The following KLF12 variants were observed in gnomAD, a reference collection of about 807,000 sequenced individuals.
KLF12 encodes the protein Krueppel-like factor 12.
Under a neutral mutation model 37.8 loss-of-function variants are expected in KLF12, and 9 were observed. The ratio of observed to expected loss-of-function variants is 0.24; its 90% confidence interval spans 0.14 to 0.42. The LOEUF (loss-of-function observed/expected upper bound fraction) is 0.42, where lower values mean the gene tolerates loss of function less well. Among genes scored for constraint, KLF12 ranks in the 10% least tolerant of loss-of-function variants. The probability of loss-of-function intolerance (pLI) is 1.00; values close to 1 mark genes in which losing one functional copy is unlikely to be tolerated. For missense variants in KLF12, 411 were observed against 516.0 expected (o/e 0.80, Z 1.97); for synonymous variants, 208 against 202.1 (o/e 1.03, Z -0.25).
chr13:73,983,455 G>A (rs1891741195), intron 2 of KLF12, among the ~76,000 whole-genome samples: 1 of 152,082 alleles, frequency 6.6e-6, no homozygotes, highest in African/African-American at 2.4e-5. Flanking sequence ...TGCTTATCGG[G>A]TGTTCTCCAG....
At chr13:73,965,769 T>C (rs1277918978) in intron 2 of KLF12, among the ~76,000 whole-genome samples, 3 of 152,192 alleles carry the variant, frequency 2.0e-5, no homozygotes, top group Non-Finnish European at 4.4e-5. Flanking sequence ...AGGCATAAGA[T>C]GACTGGAACC....
the KLF12 span, among the ~76,000 whole-genome samples, chr13:74,261,501 A>T: frequency 6.6e-6 from 1 of 152,184 alleles, no homozygotes; most frequent in Non-Finnish European, 1.5e-5. Context: ...AAAGCCTGCT[A>T]GCTTTTCTTG....
the KLF12 span, chr13:74,259,305 A>G: frequency 1.3e-5 from 2 of 152,178 alleles, no homozygotes; most frequent in African/African-American, 4.8e-5. Flanking sequence ...ATTCTCATTT[A>G]TTTTGTATTT....
intron 5 of KLF12, among the ~76,000 whole-genome samples, chr13:73,774,307 T>C (rs1171064404): frequency 6.7e-6 from 1 of 149,204 alleles, no homozygotes; most frequent in East Asian, 1.9e-4. Flanking sequence ...CACACATCTA[T>C]ATATATATAT....
chr13:73,937,232 C>G (rs921371552), intron 3 of KLF12, among the ~76,000 whole-genome samples: 3 of 151,980 alleles, frequency 2.0e-5, no homozygotes, highest in African/African-American at 7.2e-5. Flanking sequence ...TTGTGATGCA[C>G]TTTATAAACT....
chr13:73,694,804 A>G lies in KLF12; in HGVS notation c.*686T>C, dbSNP rs965131257. ...TGCCCCTCTGCTCGAACAGATGAAC[A>G]AAACAGAATCGAAACAAAACAAAAA... On this transcript the variant is annotated 3_prime_UTR_variant, in exon 8 of 8. Coordinates refer to ENST00000377669, the MANE Select transcript of KLF12 (RefSeq NM_007249.5). The G allele has an allele frequency of 2.0e-5, 3 of 152,778 alleles. No homozygotes were observed. The highest frequency in any genetic ancestry group is 7.2e-5 in the African/African-American group (3 of 41,478). The allele number at this position is 152,778 out of a possible 1,614,324, so 9.5% of individuals were successfully genotyped here. A position where few individuals can be genotyped will look rare whatever the true frequency, so the allele number is the denominator to read the frequency against.
rs922871755 is a variant in KLF12 at position 73,970,814 on chromosome 13, T to G, written c.33+24176A>C. On this transcript the variant is annotated intron_variant, in intron 2 of 7. Transcript: ENST00000377669. Reference sequence around the variant, plus strand: ...TCAATGTACCCAAATAAATCGTTTGTGTGTTCTAACAAATGTTTTCTTTGG... The same window carrying G: ...TCAATGTACCCAAATAAATCGTTTGGGTGTTCTAACAAATGTTTTCTTTGG... Among the ~76,000 whole-genome samples, 3 of 152,236 alleles carry G rather than the reference T, an allele frequency of 2.0e-5. No homozygotes were observed. In the East Asian group the frequency reaches 5.8e-4, roughly 29 times the overall value.
At chr13:73,831,898 G>A (rs1161575455) in intron 4 of KLF12, among the ~76,000 whole-genome samples, 2 of 152,188 alleles carry the variant, frequency 1.3e-5, no homozygotes, top group Non-Finnish European at 2.9e-5. Flanking sequence ...CTACTGAGAA[G>A]ACATTTTGGG....
chr13:74,029,055 C>T (rs923273351), intron 1 of KLF12, among the ~76,000 whole-genome samples: 1 of 151,878 alleles, frequency 6.6e-6, no homozygotes, highest in African/African-American at 2.4e-5. Context: ...TTTTGGTAAC[C>T]GTTTATTTTA....
the KLF12 span, among the ~76,000 whole-genome samples, chr13:74,213,187 CG>C: frequency 2.6e-5 from 4 of 151,988 alleles, no homozygotes; most frequent in Non-Finnish European, 5.9e-5. Flanking sequence ...TAAATGGGAA[CG>C]TACTAAAACA....
At chr13:73,720,007 AAGAG>A (rs775237896) in intron 6 of KLF12, among the ~76,000 whole-genome samples, 26 of 152,298 alleles carry the variant, frequency 1.7e-4, no homozygotes, top group Non-Finnish European at 2.8e-4. Flanking sequence ...CTCTAAGTTC[AAGAG>A]CAGTGTGTTC....
At chr13:73,755,773 C>T (rs1293335858) in intron 6 of KLF12, among the ~76,000 whole-genome samples, 2 of 151,900 alleles carry the variant, frequency 1.3e-5, no homozygotes, top group Admixed American at 1.3e-4. Flanking sequence ...TCCCCCAAGT[C>T]CCCAAAGTCC....
At chr13:74,241,689 T>G in the KLF12 span, among the ~76,000 whole-genome samples, 37 of 148,224 alleles carry the variant, frequency 2.5e-4, no homozygotes, top group African/African-American at 5.3e-4. Flanking sequence ...AAGCGCAGTA[T>G]TCGGGTGGGA....
chr13:73,784,148 T>C (rs1297772077), intron 5 of KLF12, among the ~76,000 whole-genome samples: 2 of 152,180 alleles, frequency 1.3e-5, no homozygotes, highest in South Asian at 4.1e-4. Flanking sequence ...AGTCACAATC[T>C]CTGTTGCTTC....
chr13:74,268,430 G>A, the KLF12 span, among the ~76,000 whole-genome samples: 287 of 152,218 alleles, frequency 1.9e-3, 2 homozygotes, highest in African/African-American at 5.7e-3. Context: ...AGATTATGTC[G>A]TCCAACATTT....
intron 2 of KLF12, among the ~76,000 whole-genome samples, chr13:73,994,469 C>G (rs1370855687): frequency 1.2e-5 from 1 of 81,506 alleles, no homozygotes; most frequent in Non-Finnish European, 3.4e-5. Flanking sequence ...CACAGCGCCC[C>G]CCCCACCACC....
At chr13:73,916,979 G>A (rs1024829186) in intron 3 of KLF12, among the ~76,000 whole-genome samples, 7 of 152,134 alleles carry the variant, frequency 4.6e-5, no homozygotes, top group Admixed American at 2.0e-4. Flanking sequence ...TTTGAAGGTA[G>A]GGACATGCAC....
intron 3 of KLF12, among the ~76,000 whole-genome samples, chr13:73,903,886 C>T (rs1027323691): frequency 1.3e-5 from 2 of 152,092 alleles, no homozygotes; most frequent in Non-Finnish European, 2.9e-5. Flanking sequence ...ATGGTCCTTC[C>T]GATGATGTGA....
At chr13:74,279,330 T>C in the KLF12 span, among the ~76,000 whole-genome samples, 1 of 152,286 alleles carries the variant, frequency 6.6e-6, no homozygotes, top group South Asian at 2.1e-4. Context: ...ATCCTGAATG[T>C]AAAGTATTTT....
Sources: gnomAD v4.1 joint callset for allele counts (sites outside exome capture counted in the v4.1 genomes callset) on GRCh38, gnomAD v4.1.1 for gene constraint, MANE v1.5 for transcripts, NCBI Gene and HGNC (gene_info 2026-07-23, HGNC 2026-07-21) for gene names.